Variants in PIK3C3 observed in about 807,000 individuals in gnomAD.
The protein encoded by PIK3C3 is PI3-kinase type 3.
A neutral mutation model predicts 126.1 loss-of-function variants in PIK3C3; 95 were observed. The ratio of observed to expected loss-of-function variants is 0.75; its 90% CI spans 0.64 to 0.89. PIK3C3 has a LOEUF of 0.89. Among genes scored for constraint, PIK3C3 ranks in the 40% least tolerant of loss-of-function variants. The pLI, the probability that PIK3C3 is intolerant of heterozygous loss-of-function variation, is 0.00. For missense variants in PIK3C3, 829 were observed against 1,063.2 expected, an observed-to-expected ratio of 0.78 and a Z score of 3.06; for synonymous variants, 374 against 360.0, an observed-to-expected ratio of 1.04 and a Z score of -0.44.
At chr18:41,958,266 A>T (rs1346996608) in intron 2 of PIK3C3, among the ~76,000 whole-genome samples, 1 of 152,246 alleles carries the variant, frequency 6.6e-6, no homozygotes, top group East Asian at 1.9e-4. Context: ...CAGGGTAAAT[A>T]TAATGAACAT....
chr18:41,970,342 G>A lies in PIK3C3; in HGVS notation c.417G>A (p.Gly139=), dbSNP rs376163040. Residue 139 remains glycine, a synonymous_variant, in exon 4 of 25, where the codon GGG becomes GGA. Transcript: ENST00000262039. ...LFGKYGMFRQ[G]MHDLKVWPNV... is the part of the protein sequence containing the mutation. ...TTTTCCCTAGCATGTTTCGCCAAGG[G>A]ATGCATGACTTGAAAGTCTGGCCTA... is the stretch of plus-strand genomic sequence containing the variant. 5.0e-6 allele frequency: 8 copies of A among 1,613,402 alleles called. No homozygotes were observed. The highest frequency in any genetic ancestry group is 1.3e-5 in the African/African-American group (1 of 74,880).
At chr18:41,972,997 T>C (rs572772788) in intron 4 of PIK3C3, among the ~76,000 whole-genome samples, 8 of 152,252 alleles carry the variant, frequency 5.3e-5, no homozygotes, top group African/African-American at 1.7e-4. Context: ...GCCATTCTGC[T>C]AACTTGGGGA....
intron 21 of PIK3C3, among the ~76,000 whole-genome samples, chr18:42,056,835 G>C (rs1985087208): frequency 6.6e-6 from 1 of 152,086 alleles, no homozygotes; most frequent in Non-Finnish European, 1.5e-5. Context: ...CTATAGGGAT[G>C]CTGCTTTTCC....
chr18:41,995,493 C>CTTCT (rs1981983024), intron 7 of PIK3C3, among the ~76,000 whole-genome samples: 1 of 151,730 alleles, frequency 6.6e-6, no homozygotes, highest in Non-Finnish European at 1.5e-5. Flanking sequence ...TAAATAACTG[C>CTTCT]TAAGATGATA....
At chr18:41,992,906 A>G (rs1432186117) in intron 6 of PIK3C3, among the ~76,000 whole-genome samples, 5 of 152,282 alleles carry the variant, frequency 3.3e-5, no homozygotes, top group South Asian at 2.1e-4. Context: ...CACATTTTAC[A>G]TATAGTCTGT....
At position 42,084,217 on chromosome 18, in the gene PIK3C3, C is replaced by G. The variant is rs1247726098; in HGVS notation, c.*3080C>G. On this transcript the variant is annotated 3_prime_UTR_variant, in exon 25 of 25. Coordinates refer to ENST00000262039, the MANE Select transcript of PIK3C3 (RefSeq NM_002647.4). ...AGTATATTTTTGCACATAAGTATAA[C>G]ATTGCGATTTAAAACAATAAACCAG... 2.0e-5 allele frequency: 3 copies of G among 152,146 alleles called. No homozygotes were observed. Among genetic ancestry groups the G allele is most frequent in the Non-Finnish European group, 4.4e-5 (3 of 68,030 alleles). The allele number at this position is 152,146 out of a possible 1,614,324, so 9.4% of individuals were successfully genotyped here.
At chr18:41,971,625 T>C (rs1980670739) in intron 4 of PIK3C3, among the ~76,000 whole-genome samples, 1 of 152,110 alleles carries the variant, frequency 6.6e-6, no homozygotes, top group South Asian at 2.1e-4. Flanking sequence ...GACTTTATCT[T>C]AGTGATGATC....
rs73452288 is a variant in PIK3C3 at position 42,021,422 on chromosome 18, A to G, written c.1484+717A>G. 5.2e-3 allele frequency among the ~76,000 whole-genome samples: 785 copies of G among 152,262 alleles called. 6 individuals are homozygous for G. Among genetic ancestry groups the G allele is most frequent in the African/African-American group, 0.018 (745 of 41,544 alleles). On this transcript the variant is annotated intron_variant, in intron 13 of 24. Transcript: ENST00000262039. ...AAAAAGGCAAGTAGCTTAAGCCACA[A>G]TCAGAAATATTTTGCTTCAATAAAA...
intron 4 of PIK3C3, among the ~76,000 whole-genome samples, chr18:41,976,182 G>A (rs575663726): frequency 3.2e-4 from 48 of 152,244 alleles, no homozygotes; most frequent in Non-Finnish European, 5.6e-4. Context: ...GATTGAAGTA[G>A]TTTGACCCAC....
intron 5 of PIK3C3, among the ~76,000 whole-genome samples, chr18:41,989,233 A>G (rs193180832): frequency 3.5e-4 from 53 of 152,020 alleles, no homozygotes; most frequent in Admixed American, 1.2e-3. Flanking sequence ...AGGCCTGGCT[A>G]ATATTTTTAA....
At chr18:42,048,991 A>G (rs1193147957) in intron 20 of PIK3C3, among the ~76,000 whole-genome samples, 2 of 152,212 alleles carry the variant, frequency 1.3e-5, no homozygotes, top group South Asian at 2.1e-4. Context: ...GCTAGAGCCA[A>G]TGTCTTTGCC....
intron 2 of PIK3C3, among the ~76,000 whole-genome samples, chr18:41,961,861 C>T (rs1195467561): frequency 1.3e-5 from 2 of 151,976 alleles, no homozygotes; most frequent in East Asian, 3.9e-4. Context: ...TATTAACAAA[C>T]ATTCCTCAGT....
At chr18:42,017,835 C>A (rs1022014635) in intron 12 of PIK3C3, among the ~76,000 whole-genome samples, 15 of 151,440 alleles carry the variant, frequency 9.9e-5, no homozygotes, top group Admixed American at 6.6e-5. Context: ...TATTTAGGTC[C>A]CTTGTAAATA....
intron 4 of PIK3C3, among the ~76,000 whole-genome samples, chr18:41,983,952 C>CTTTT (rs533824517): frequency 8.6e-5 from 12 of 139,094 alleles, no homozygotes; most frequent in African/African-American, 3.1e-4. Flanking sequence ...TAAATTATGC[C>CTTTT]TTTTTTTTTT....
intron 4 of PIK3C3, among the ~76,000 whole-genome samples, chr18:41,985,800 T>A (rs1418657530): frequency 2.6e-5 from 4 of 152,158 alleles, no homozygotes; most frequent in Non-Finnish European, 5.9e-5. Context: ...ATAGGAAAGC[T>A]AATCATATGC....
intron 13 of PIK3C3, among the ~76,000 whole-genome samples, chr18:42,024,642 T>G (rs1285659489): frequency 6.6e-6 from 1 of 151,318 alleles, no homozygotes; most frequent in Non-Finnish European, 1.5e-5. Context: ...TCCATGTTGG[T>G]CAGCCTAGTC....
intron 10 of PIK3C3, among the ~76,000 whole-genome samples, chr18:42,009,637 ATGTAATG>A (rs1982712442): frequency 1.3e-5 from 2 of 148,370 alleles, no homozygotes; most frequent in African/African-American, 2.6e-5. Context: ...AATGTACATT[ATGTAATG>A]CTTACATTAT....
intron 18 of PIK3C3, 100 bp downstream of exon 18, chr18:42,038,950 C>T (rs901056137): frequency 3.6e-5 from 25 of 702,588 alleles, no homozygotes; most frequent in Non-Finnish European, 5.9e-5. Context: ...AAATAAATTC[C>T]ATTTGTAGCA....
At chr18:42,015,618 C>T in intron 12 of PIK3C3, 52 bp downstream of exon 12, 1 of 1,211,016 alleles carries the variant, frequency 8.3e-7, no homozygotes, top group Non-Finnish European at 1.2e-6. Context: ...ACTGCATGAA[C>T]ATTTTATACT....
Sources: gnomAD v4.1 joint callset for allele counts (sites outside exome capture counted in the v4.1 genomes callset) on GRCh38, gnomAD v4.1.1 for gene constraint, MANE v1.5 for transcripts, NCBI Gene and HGNC (gene_info 2026-07-23, HGNC 2026-07-21) for gene names.